The following FRMD5 variants were observed in gnomAD, a reference collection of about 807,000 sequenced individuals.
FRMD5 encodes FERM domain-containing protein 5.
In FRMD5, 20 loss-of-function variants were observed where a neutral mutation model predicts 69.0. That is an observed-to-expected ratio of 0.29 (90% CI 0.20 to 0.42). The LOEUF (loss-of-function observed/expected upper bound fraction) is 0.42. FRMD5 is among the 10% of genes least tolerant of loss of function. The pLI, the probability that FRMD5 is intolerant of heterozygous loss-of-function variation, is 1.00. For missense variants in FRMD5, 595 were observed against 708.6 expected (o/e 0.84, Z 1.82); for synonymous variants, 271 against 260.1 (o/e 1.04, Z -0.40).
At chr15:43,918,732 A>G (rs1175902042) in intron 4 of FRMD5, among the ~76,000 whole-genome samples, 1 of 152,250 alleles carries the variant, frequency 6.6e-6, no homozygotes, top group Non-Finnish European at 1.5e-5. Context: ...TCTTTCTAAT[A>G]TAAAAATTAG....
At position 44,091,219 on chromosome 15, in the gene FRMD5, T is replaced by C. The variant is rs1433205011; in HGVS notation, c.102+103734A>G. Among the ~76,000 whole-genome samples the C allele has an allele frequency of 2.6e-5, 4 of 152,336 alleles. No individual in the cohort carries two copies. The East Asian group carries it at 7.7e-4, about 29-fold the overall frequency. On this transcript the variant is annotated intron_variant, in intron 1 of 13. Coordinates refer to ENST00000417257, the MANE Select transcript of FRMD5 (RefSeq NM_032892.5). ...TGTTAAATCCACCTAAGTGTTACAG[T>C]ATACCTGACTGGTGGTTTTTAACCT...
intron 1 of FRMD5, among the ~76,000 whole-genome samples, chr15:44,000,928 C>A (rs1025386712): frequency 2.0e-5 from 3 of 152,190 alleles, no homozygotes; most frequent in Admixed American, 2.0e-4. Flanking sequence ...ATCCTCCCAC[C>A]TCAGCCACCC....
intron 1 of FRMD5, among the ~76,000 whole-genome samples, chr15:44,057,677 A>G (rs1386129953): frequency 1.3e-5 from 2 of 152,180 alleles, no homozygotes; most frequent in African/African-American, 4.8e-5. Flanking sequence ...AACAAAATCC[A>G]AAAGGAAGTA....
At chr15:44,164,860 G>A (rs1446309913) in intron 1 of FRMD5, among the ~76,000 whole-genome samples, 1 of 152,150 alleles carries the variant, frequency 6.6e-6, no homozygotes, top group African/African-American at 2.4e-5. Context: ...AGTGCACAGG[G>A]GCAGATGTGG....
intron 1 of FRMD5, among the ~76,000 whole-genome samples, chr15:44,100,933 G>A (rs796471064): frequency 1.4e-4 from 21 of 152,010 alleles, no homozygotes; most frequent in Non-Finnish European, 2.4e-4. Context: ...GGTGGATCAC[G>A]AGGTCAAGAG....
chr15:44,046,972 G>T (rs148808108), intron 1 of FRMD5, among the ~76,000 whole-genome samples: 18 of 152,242 alleles, frequency 1.2e-4, no homozygotes, highest in African/African-American at 1.7e-4. Context: ...CATCTTTACT[G>T]TGAGGACGTC....
At position 43,902,623 on chromosome 15, in the gene FRMD5, G is replaced by C. The variant is rs145918550; in HGVS notation, c.552-361C>G. ...GAGGATTGCTTGAGCCCAGGAGTGC[G>C]AGGTTTCAGTGAGCTATGGTCACAG... On this transcript the variant is annotated intron_variant, in intron 6 of 13. Transcript: ENST00000417257. Among the ~76,000 whole-genome samples, 1,200 of 149,838 alleles carry C rather than the reference G, an allele frequency of 8.0e-3. 15 individuals are homozygous for C. The highest frequency in any genetic ancestry group is 0.028 in the African/African-American group (1,140 of 40,496).
At chr15:43,968,292 A>C (rs1288334733) in intron 1 of FRMD5, among the ~76,000 whole-genome samples, 1 of 152,202 alleles carries the variant, frequency 6.6e-6, no homozygotes, top group Admixed American at 6.5e-5. Context: ...ATTTTTAAGA[A>C]GAATTCAAAA....
intron 1 of FRMD5, among the ~76,000 whole-genome samples, chr15:44,112,639 T>G (rs1046610987): frequency 1.8e-4 from 27 of 152,042 alleles, no homozygotes; most frequent in Admixed American, 2.0e-4. Flanking sequence ...GCTAATTTTT[T>G]GTATTTTTGT....
chr15:44,152,580 A>G (rs1441283516), intron 1 of FRMD5, among the ~76,000 whole-genome samples: 1 of 152,214 alleles, frequency 6.6e-6, no homozygotes, highest in East Asian at 1.9e-4. Flanking sequence ...GCTCCACCAG[A>G]TTTGATTGTG....
At chr15:43,896,843 G>A (rs1034757865) in intron 7 of FRMD5, among the ~76,000 whole-genome samples, 3 of 152,222 alleles carry the variant, frequency 2.0e-5, no homozygotes, top group Non-Finnish European at 2.9e-5. Flanking sequence ...CCCTCTGGAA[G>A]ATGATTCCAC....
At chr15:44,101,373 T>A (rs999479538) in intron 1 of FRMD5, 4 of 152,568 alleles carry the variant, frequency 2.6e-5, no homozygotes, top group African/African-American at 4.8e-5. Context: ...AAGATACACA[T>A]CTTTCCCAAA....
At chr15:43,945,083 G>A (rs979411423) in intron 1 of FRMD5, among the ~76,000 whole-genome samples, 2 of 151,918 alleles carry the variant, frequency 1.3e-5, no homozygotes, top group East Asian at 1.9e-4. Flanking sequence ...CATAGCGCCC[G>A]GCAGGTTTCT....
At chr15:44,061,046 G>C (rs1324661705) in intron 1 of FRMD5, among the ~76,000 whole-genome samples, 1 of 152,134 alleles carries the variant, frequency 6.6e-6, no homozygotes, top group Non-Finnish European at 1.5e-5. Flanking sequence ...ATTTCACTGT[G>C]TACTTGCTGC....
rs985020367 is a variant in FRMD5, at chr15:43,976,046, C to T, written c.103-51737G>A. ...TTTTAAAGAAGTGGTGCTGGAACAG[C>T]GGGATATCTATGTGCTAAAAAAAAA... On this transcript the variant is annotated intron_variant, in intron 1 of 13. Coordinates refer to ENST00000417257, the MANE Select transcript of FRMD5 (RefSeq NM_032892.5). Among the ~76,000 whole-genome samples the T allele has an allele frequency of 6.2e-5, 9 of 144,354 alleles. No homozygotes were observed. In the South Asian group the frequency reaches 6.5e-4, roughly 10 times the overall value. The allele number at this position is 144,354 out of a possible 152,430, so 94.7% of individuals were successfully genotyped here.
chr15:44,022,063 C>T (rs188421033), intron 1 of FRMD5, among the ~76,000 whole-genome samples: 5 of 152,040 alleles, frequency 3.3e-5, no homozygotes, highest in Admixed American at 3.3e-4. Flanking sequence ...ATAATATCTA[C>T]TTACATGAGG....
intron 8 of FRMD5, among the ~76,000 whole-genome samples, chr15:43,889,752 C>T (rs1351676394): frequency 4.6e-5 from 7 of 152,184 alleles, no homozygotes. Context: ...CCTCACTTCC[C>T]TTCTATCTGC....
At chr15:43,989,967 C>A (rs1381818773) in intron 1 of FRMD5, 1 of 1,054,606 alleles carries the variant, frequency 9.5e-7, no homozygotes, top group East Asian at 2.5e-5. Context: ...CAATGTCCTG[C>A]TTGATGGGGT....
intron 1 of FRMD5, among the ~76,000 whole-genome samples, chr15:44,049,142 G>C (rs1296416789): frequency 6.6e-6 from 1 of 152,166 alleles, no homozygotes; most frequent in Non-Finnish European, 1.5e-5. Flanking sequence ...GAAATCCACA[G>C]ATGATATGCA....
Sources: allele counts gnomAD v4.1 joint callset (sites outside exome capture counted in the v4.1 genomes callset), GRCh38; gene constraint gnomAD v4.1.1; transcripts MANE v1.5; gene names NCBI Gene and HGNC (gene_info 2026-07-23, HGNC 2026-07-21).